Variants in NUDT9 observed in about 807,000 individuals in gnomAD.
NUDT9 encodes the protein ADP-ribose pyrophosphatase.
In NUDT9, 31 loss-of-function variants were observed where a neutral mutation model predicts 41.0. That is an observed-to-expected ratio of 0.76 (90% CI 0.57 to 1.02). The LOEUF is 1.02. NUDT9 is among the 50% of genes least tolerant of loss of function. NUDT9 has a pLI of 0.00. For missense variants in NUDT9, 380 were observed against 431.4 expected, an observed-to-expected ratio of 0.88 and a Z score of 1.06; for synonymous variants, 146 against 147.6, an observed-to-expected ratio of 0.99 and a Z score of 0.08.
intron 4 of NUDT9, among the ~76,000 whole-genome samples, chr4:87,447,475 A>AGTTTTTTTTTTTTTGTTTT (rs1722508385): frequency 2.9e-5 from 4 of 140,306 alleles, no homozygotes; most frequent in Non-Finnish European, 6.3e-5. Context: ...TAGCATTGGA[A>AGTTTTTTTTTTTTTGTTTT]GTTTTTTTTT....
rs888812643 is a variant in NUDT9, at chr4:87,423,118, G to A, written c.107+106G>A. 45 of 705,042 alleles carry A rather than the reference G, an allele frequency of 6.4e-5. 3 individuals carry two copies. In the South Asian group the frequency reaches 7.5e-4, roughly 12 times the overall value. The allele number at this position is 705,042 out of a possible 1,614,324, so 43.7% of individuals were successfully genotyped here. On this transcript the variant is annotated intron_variant, in intron 1 of 7. Transcript: ENST00000302174. Reference sequence around the variant, plus strand: ...TCTGTAGGCTTTGCTTTGCCTCTCGGGTTTTTATAGTCATATACAAGTTTT... The same window carrying A: ...TCTGTAGGCTTTGCTTTGCCTCTCGAGTTTTTATAGTCATATACAAGTTTT...
chr4:87,426,232 T>A (rs1721409801), intron 1 of NUDT9, among the ~76,000 whole-genome samples: 1 of 151,682 alleles, frequency 6.6e-6, no homozygotes, highest in African/African-American at 2.4e-5. Context: ...TAGAATATTG[T>A]TTTATTCCTG....
chr4:87,435,112 T>C lies in NUDT9; in HGVS notation c.239T>C (p.Val80Ala). Residue 80 changes from valine (V) to alanine (A), a missense_variant, in exon 2 of 8, where the codon GTT (valine) becomes GCT (alanine). By Grantham distance (64) the Val-to-Ala change is moderately conservative. Coordinates refer to ENST00000302174, the MANE Select transcript of NUDT9 (RefSeq NM_024047.5). ...YPGSKVERSQ[V>A]PNEKVGWLVE... ...GGTTCAAAAGTTGAACGAAGCCAGGTTCCTAATGAGAAAGTGGGCTGGCTT... is the reference window on the plus strand; with the variant it reads ...GGTTCAAAAGTTGAACGAAGCCAGGCTCCTAATGAGAAAGTGGGCTGGCTT... The C allele has an allele frequency of 6.2e-7, 1 of 1,614,146 alleles. No homozygotes were observed. The highest frequency in any genetic ancestry group is 8.5e-7 in the Non-Finnish European group (1 of 1,180,026).
chr4:87,441,940 A>G (rs1485087167), intron 4 of NUDT9, 25 bp downstream of exon 4: 1 of 1,532,564 alleles, frequency 6.5e-7, no homozygotes. Context: ...AAAGCATATC[A>G]GTAGCAAAGA....
At chr4:87,426,878 A>ATCCC in intron 1 of NUDT9, among the ~76,000 whole-genome samples, 1 of 151,222 alleles carries the variant, frequency 6.6e-6, no homozygotes, top group African/African-American at 2.4e-5. Context: ...TCTTGACAAA[A>ATCCC]AATAAACAAA....
intron 2 of NUDT9, among the ~76,000 whole-genome samples, chr4:87,435,533 A>G (rs1415539767): frequency 6.6e-6 from 1 of 152,148 alleles, no homozygotes; most frequent in Non-Finnish European, 1.5e-5. Context: ...AGCTGATGGT[A>G]TTTGTTTTCA....
intron 1 of NUDT9, among the ~76,000 whole-genome samples, chr4:87,424,258 T>G (rs1007918901): frequency 4.5e-5 from 3 of 67,082 alleles, no homozygotes; most frequent in African/African-American, 1.4e-4. Flanking sequence ...TAATGCGTTT[T>G]TTTTTTTTTT....
At chr4:87,442,173 A>G (rs1338869058) in intron 4 of NUDT9, among the ~76,000 whole-genome samples, 3 of 152,240 alleles carry the variant, frequency 2.0e-5, no homozygotes, top group East Asian at 3.8e-4. Flanking sequence ...GTGCAATTGT[A>G]TAAGTAGTAT....
chr4:87,443,023 G>GTATTATA (rs1410320698), intron 4 of NUDT9, among the ~76,000 whole-genome samples: 1 of 152,150 alleles, frequency 6.6e-6, no homozygotes, highest in Non-Finnish European at 1.5e-5. Flanking sequence ...TTATTATCAA[G>GTATTATA]TATTATATAC....
chr4:87,449,951 C>T (rs1377831660), intron 5 of NUDT9, among the ~76,000 whole-genome samples: 1 of 152,072 alleles, frequency 6.6e-6, no homozygotes, highest in Non-Finnish European at 1.5e-5. Context: ...CAACCTTTGC[C>T]TCCTGGGTTC....
At chr4:87,454,495 C>T in intron 7 of NUDT9, 40 bp downstream of exon 7, 1 of 1,273,988 alleles carries the variant, frequency 7.8e-7, no homozygotes, top group Non-Finnish European at 1.1e-6. Flanking sequence ...ATTAAAGGAT[C>T]AATTTAAGCC....
chr4:87,438,823 T>G (rs1722069682), intron 3 of NUDT9, among the ~76,000 whole-genome samples: 3 of 152,198 alleles, frequency 2.0e-5, no homozygotes, highest in Admixed American at 1.3e-4. Flanking sequence ...AAATTATCCA[T>G]TTTCCTTAAG....
In NUDT9 at chr4:87,459,231, C is replaced by A. The variant is rs991667863; in HGVS notation, c.*1210C>A. ...CTGCATGTTCTCTTATAAGTGAGAG[C>A]TAAATGGTGAGAACACATGGACATG... is the stretch of plus-strand genomic sequence containing the variant. On this transcript the variant is annotated 3_prime_UTR_variant, in exon 8 of 8. Coordinates refer to ENST00000302174, the MANE Select transcript of NUDT9 (RefSeq NM_024047.5). The A allele has an allele frequency of 1.4e-4, 21 of 152,244 alleles. No homozygotes were observed. Among genetic ancestry groups the A allele is most frequent in the African/African-American group, 4.8e-4 (20 of 41,556 alleles). The allele number at this position is 152,244 out of a possible 1,614,324, so 9.4% of individuals were successfully genotyped here. A position where few individuals can be genotyped will look rare whatever the true frequency, so the allele number is the denominator to read the frequency against.
In NUDT9 at chr4:87,434,987, G is replaced by GT. The variant is rs1250445069; in HGVS notation, c.118dup (p.Ser40PhefsTer8). On this transcript the variant is annotated frameshift_variant, in exon 2 of 8. Coordinates refer to ENST00000302174, the MANE Select transcript of NUDT9 (RefSeq NM_024047.5). LOFTEE classifies it high-confidence loss of function. ...TTTTCTTTTTCTCCCCCAGAAACTC[G>GT]TTTTCATCTTCTTGGTTTCATCTTA... 8 of 1,605,644 alleles carry GT rather than the reference G, an allele frequency of 5.0e-6. No homozygotes were observed. Among genetic ancestry groups the GT allele is most frequent in the Non-Finnish European group, 6.8e-6 (8 of 1,177,216 alleles).
Position 87,458,049 on chromosome 4 carries a change from C to G in NUDT9, c.*28C>G. ...GATGGTCTCCGTGTAAGCCAAAGGC[C>G]CACAGAGGAGCATATACTGAAAAGA... is the stretch of plus-strand genomic sequence containing the variant. On this transcript the variant is annotated 3_prime_UTR_variant, in exon 8 of 8. Transcript: ENST00000302174. The G allele has an allele frequency of 1.3e-6, 2 of 1,491,860 alleles. No homozygotes were observed. Among genetic ancestry groups the G allele is most frequent in the Non-Finnish European group, 1.8e-6 (2 of 1,127,424 alleles). 92.4% of individuals were successfully genotyped at this position (1,491,860 alleles called of 1,614,324 possible).
rs1455044831 is a variant in NUDT9, at chr4:87,435,048, GA to G, written c.179del (p.Asn60IlefsTer116). The G allele has an allele frequency of 2.5e-6, 4 of 1,614,030 alleles. No individual in the cohort carries two copies. The highest frequency in any genetic ancestry group is 3.4e-6 in the Non-Finnish European group (4 of 1,180,022). ...NVMSGSNGSK[E>X]NSHNKARTSP... Reference sequence around the variant, plus strand: ...CATGTCTGGTTCTAATGGTTCCAAAGAAAATTCTCACAATAAGGCTCGGACG... The same window carrying G: ...CATGTCTGGTTCTAATGGTTCCAAAGAAATTCTCACAATAAGGCTCGGACG... On this transcript the variant is annotated frameshift_variant, in exon 2 of 8. Coordinates refer to ENST00000302174, the MANE Select transcript of NUDT9 (RefSeq NM_024047.5). LOFTEE classifies it high-confidence loss of function.
chr4:87,441,338 G>A (rs1003399676), intron 3 of NUDT9, among the ~76,000 whole-genome samples: 1 of 152,114 alleles, frequency 6.6e-6, no homozygotes, highest in Non-Finnish European at 1.5e-5. Flanking sequence ...CTATGAAATA[G>A]TAATACTAAT....
rs1312881270 is a variant in NUDT9, at chr4:87,447,486, T to TG, written c.531-1656_531-1655insG. Among the ~76,000 whole-genome samples, 235 of 151,598 alleles carry TG rather than the reference T, an allele frequency of 1.6e-3. 1 individual carries two copies. The highest frequency in any genetic ancestry group is 5.4e-3 in the African/African-American group (223 of 41,178). On this transcript the variant is annotated intron_variant, in intron 4 of 7. Coordinates refer to ENST00000302174, the MANE Select transcript of NUDT9 (RefSeq NM_024047.5). ...GGTTTAGCATTGGAAGTTTTTTTTT[T>TG]TTTTGTTTTGTTTTGTTTTGCCTGA...
At chr4:87,444,130 A>T (rs937404200) in intron 4 of NUDT9, among the ~76,000 whole-genome samples, 3 of 152,052 alleles carry the variant, frequency 2.0e-5, no homozygotes, top group Non-Finnish European at 2.9e-5. Flanking sequence ...TTCTTTGCTG[A>T]CCATCTGTCT....
Sources: allele counts gnomAD v4.1 joint callset (sites outside exome capture counted in the v4.1 genomes callset), GRCh38; gene constraint gnomAD v4.1.1; transcripts MANE v1.5; gene names NCBI Gene and HGNC (gene_info 2026-07-23, HGNC 2026-07-21).